GAPVD1: variants seen among roughly 807,000 people sequenced by gnomAD.
GAPVD1 encodes the protein GTPase-activating protein and VPS9 domain-containing protein 1.
GAPVD1 carries 35 observed loss-of-function variants against 155.5 expected under a neutral mutation model. The ratio of observed to expected loss-of-function variants is 0.23; its 90% CI spans 0.17 to 0.30. GAPVD1 has a LOEUF of 0.30. Among genes scored for constraint, GAPVD1 ranks in the 10% least tolerant of loss-of-function variants. The probability of loss-of-function intolerance (pLI) is 1.00; values close to 1 mark genes in which losing one functional copy is unlikely to be tolerated. For synonymous variants in GAPVD1, 636 were observed against 619.7 expected (o/e 1.03, Z -0.39); for missense variants, 1,429 against 1,775.7 (o/e 0.80, Z 3.51).
chr9:125,348,369 T>TA (rs1435939798), intron 20 of GAPVD1, among the ~76,000 whole-genome samples: 1 of 152,088 alleles, frequency 6.6e-6, no homozygotes, highest in Non-Finnish European at 1.5e-5. Flanking sequence ...TATTTATATA[T>TA]TTTTTTGTAG....
intron 8 of GAPVD1, among the ~76,000 whole-genome samples, chr9:125,310,494 A>C (rs2131176789): frequency 6.7e-6 from 1 of 150,228 alleles, no homozygotes; most frequent in South Asian, 2.1e-4. Flanking sequence ...GGTTGTACTG[A>C]ATTTTATTGT....
chr9:125,293,869 TATATATATA>T (rs1839252879), intron 2 of GAPVD1, among the ~76,000 whole-genome samples: 3 of 21,188 alleles, frequency 1.4e-4, no homozygotes, highest in African/African-American at 7.2e-4. Context: ...TATATATATA[TATATATATA>T]TATATATATA....
At chr9:125,263,639 C>T in intron 1 of GAPVD1, 1 of 1,094,400 alleles carries the variant, frequency 9.1e-7, no homozygotes, top group Non-Finnish European at 1.4e-6. Flanking sequence ...AATTTGGCTG[C>T]TGACCCAGCC....
At chr9:125,337,679 G>A in intron 17 of GAPVD1, 88 bp downstream of exon 17, 1 of 1,223,824 alleles carries the variant, frequency 8.2e-7, no homozygotes, top group Non-Finnish European at 1.1e-6. Context: ...TATAAATCTA[G>A]GATTACAGAT....
chr9:125,272,085 A>G (rs899599588), intron 2 of GAPVD1, among the ~76,000 whole-genome samples: 4 of 151,144 alleles, frequency 2.6e-5, no homozygotes, highest in Non-Finnish European at 4.4e-5. Context: ...GTGCAGTGGC[A>G]TGATCTCGGC....
Position 125,312,540 on chromosome 9 carries a change from A to C in GAPVD1, c.1530A>C (p.Gln510His), listed in dbSNP as rs564019106. ...CTCAAGAAACCATTCAGGAGGTGCAACCAGAAGAGGTGTTGGTCATTTCCT... is the reference window on the plus strand; with the variant it reads ...CTCAAGAAACCATTCAGGAGGTGCACCCAGAAGAGGTGTTGGTCATTTCCT... ...GSSQETIQEV[Q>H]PEEVLVISLG... Residue 510 changes from glutamine to histidine, a missense_variant, in exon 9 of 28, where the codon CAA becomes CAC. Gln to His is a conservative substitution (Grantham distance 24). This residue lies in a region of GAPVD1 where 628 missense variants were observed against 733.4 expected (regional missense o/e 0.86). Transcript: ENST00000297933. The C allele has an allele frequency of 1.1e-5, 17 of 1,610,860 alleles. No homozygotes were observed. Among genetic ancestry groups the C allele is most frequent in the Non-Finnish European group, 1.3e-5 (15 of 1,178,858 alleles).
chr9:125,323,999 T>TA, intron 11 of GAPVD1, 76 bp downstream of exon 11: 1 of 1,337,780 alleles, frequency 7.5e-7, no homozygotes, highest in Non-Finnish European at 1.0e-6. Context: ...GTGTTTTCAT[T>TA]AAGTTGGCTT....
chr9:125,284,064 TG>T (rs1442033318), intron 2 of GAPVD1, among the ~76,000 whole-genome samples: 6 of 151,740 alleles, frequency 4.0e-5, no homozygotes, highest in African/African-American at 1.5e-4. Context: ...TTAGTAGAGA[TG>T]GGGTTTTGCC....
At position 125,350,807 on chromosome 9, in the gene GAPVD1, C is replaced by T. The variant is rs1436087044; in HGVS notation, c.3504C>T (p.Arg1168=). The T allele has an allele frequency of 3.7e-6, 6 of 1,613,130 alleles. No individual in the cohort carries two copies. Among genetic ancestry groups the T allele is most frequent in the Admixed American group, 1.7e-5 (1 of 59,998 alleles). ...TGGCTCAACTTCAAGAAACAATGCG[C>T]TGTGTGTGCCGTTTTGATAATAGGA... ...NLMAQLQETM[R]CVCRFDNRTC... The change falls in exon 23 of 28, where the codon CGC becomes CGT. Residue 1168 remains arginine (R), a synonymous_variant. Transcript: ENST00000297933.
chr9:125,291,632 A>G (rs757330137), intron 2 of GAPVD1, among the ~76,000 whole-genome samples: 1 of 152,030 alleles, frequency 6.6e-6, no homozygotes. Context: ...GGAGGATGAT[A>G]GGTGGTATGG....
rs756752146 is a variant in GAPVD1 at position 125,360,745 on chromosome 9, CAGTT to C, written c.4242+22_4242+25del. 2 of 1,584,220 alleles carry C rather than the reference CAGTT, an allele frequency of 1.3e-6. No homozygotes were observed. The highest frequency in any genetic ancestry group is 4.5e-5 in the East Asian group (2 of 44,686). On this transcript the variant is annotated intron_variant, in intron 27 of 27. Transcript: ENST00000297933. ...ATAAAGGTGGGCCCCTTACTACTAT[CAGTT>C]AAGGAGTTATGTGGCATTCTGAGCA...
chr9:125,350,524 A>G (rs1849142755), intron 22 of GAPVD1, 120 bp downstream of exon 22: 2 of 751,388 alleles, frequency 2.7e-6, no homozygotes, highest in Non-Finnish European at 4.6e-6. Context: ...TAATATGTTT[A>G]CATTAGTATC....
At position 125,343,985 on chromosome 9, in the gene GAPVD1, A is replaced by G. The variant is rs74769900; in HGVS notation, c.3046+1686A>G. Among the ~76,000 whole-genome samples the G allele has an allele frequency of 6.2e-3, 951 of 152,302 alleles. 21 individuals are homozygous for G. Among genetic ancestry groups the G allele is most frequent in the East Asian group, 0.05 (261 of 5,190 alleles). On this transcript the variant is annotated intron_variant, in intron 19 of 27. Coordinates refer to ENST00000297933, the MANE Select transcript of GAPVD1 (RefSeq NM_001282680.3). ...ATATTTTACTTATCCTCTTTAGGCA[A>G]TATATTTTTCTTGGTTCTTGATACT... is the stretch of plus-strand genomic sequence containing the variant.
intron 21 of GAPVD1, 22 bp downstream of exon 21, chr9:125,349,541 G>T: frequency 6.2e-7 from 1 of 1,608,706 alleles, no homozygotes. Flanking sequence ...ATAGGATTTG[G>T]GACTTTAGGG....
In GAPVD1 at chr9:125,330,109, G is replaced by A. The variant is rs757892892; in HGVS notation, c.2064G>A (p.Leu688=). ...CAGCAGAGAACATGTTAGGCAGTTT[G>A]CTGTGCCTCCCAGGTTCAGGGTCAG... The part of the protein sequence containing the change: ...GAAAENMLGS[L]LCLPGSGSVL... The change falls in exon 13 of 28, where the codon TTG becomes TTA. Residue 688 remains leucine, a synonymous_variant. Coordinates refer to ENST00000297933, the MANE Select transcript of GAPVD1 (RefSeq NM_001282680.3). 6.2e-7 allele frequency: 1 copy of A among 1,612,208 alleles called. No individual in the cohort carries two copies. The highest frequency in any genetic ancestry group is 8.5e-7 in the Non-Finnish European group (1 of 1,179,048).
At chr9:125,356,921 C>T (rs1341455957) in intron 25 of GAPVD1, among the ~76,000 whole-genome samples, 1 of 152,248 alleles carries the variant, frequency 6.6e-6, no homozygotes, top group Non-Finnish European at 1.5e-5. Flanking sequence ...ATGATCCGCT[C>T]GTCTTGGCCT....
chr9:125,351,027 G>A (rs1330203581), intron 23 of GAPVD1, among the ~76,000 whole-genome samples, 155 bp downstream of exon 23: 1 of 152,188 alleles, frequency 6.6e-6, no homozygotes, highest in Non-Finnish European at 1.5e-5. Flanking sequence ...TTCTCACGCT[G>A]CTGATAAAGA....
At chr9:125,297,235 A>G (rs1840032673) in intron 3 of GAPVD1, among the ~76,000 whole-genome samples, 1 of 152,218 alleles carries the variant, frequency 6.6e-6, no homozygotes, top group African/African-American at 2.4e-5. Context: ...GCCGTCTCCT[A>G]GTCCCTGAAA....
rs1292771644 is a variant in GAPVD1 at position 125,312,620 on chromosome 9, T to C, written c.1602+8T>C. On this transcript the variant is annotated splice_region_variant and intron_variant, in intron 9 of 27. Transcript: ENST00000297933. ...ATGATGTCAGAAAATGAGGTATGAA[T>C]CAGTTGCTTCTATAAATCAATATTC... 1 of 1,569,324 alleles carries C rather than the reference T, an allele frequency of 6.4e-7. No homozygotes were observed. Among genetic ancestry groups the C allele is most frequent in the South Asian group, 1.2e-5 (1 of 83,196 alleles).
Sources: allele counts gnomAD v4.1 joint callset (sites outside exome capture counted in the v4.1 genomes callset), GRCh38; gene constraint gnomAD v4.1.1; regional missense constraint gnomAD v4.1.1; transcripts MANE v1.5; gene names NCBI Gene and HGNC (gene_info 2026-07-23, HGNC 2026-07-21).